Variants in FAM50B observed in about 807,000 individuals in gnomAD.
FAM50B encodes protein FAM50B.
Under a neutral mutation model 25.4 loss-of-function variants are expected in FAM50B, and 9 were observed. The observed-to-expected ratio is 0.35, with a 90% CI of 0.21 to 0.62. The LOEUF (loss-of-function observed/expected upper bound fraction) is 0.62, where lower values mean the gene tolerates loss of function less well. Among genes scored for constraint, FAM50B ranks in the 20% least tolerant of loss-of-function variants. The pLI, the probability that FAM50B is intolerant of heterozygous loss-of-function variation, is 0.73. For synonymous variants in FAM50B, 212 were observed against 204.3 expected, an observed-to-expected ratio of 1.04 and a Z score of -0.32; for missense variants, 372 against 477.9, an observed-to-expected ratio of 0.78 and a Z score of 2.07.
At chr6:3,834,660 A>T in the FAM50B span, among the ~76,000 whole-genome samples, 2 of 152,178 alleles carry the variant, frequency 1.3e-5, no homozygotes, top group African/African-American at 4.8e-5. Context: ...TCTCACAGAG[A>T]TGCATATATA....
intron 1 of FAM50B, 48 bp downstream of exon 1, chr6:3,849,534 A>G (rs1021137801): frequency 2.4e-5 from 11 of 463,532 alleles, no homozygotes; most frequent in East Asian, 7.8e-5. Flanking sequence ...CAGCTCCCCA[A>G]ATTCAGCGCT....
At chr6:3,843,767 A>G in the FAM50B span, among the ~76,000 whole-genome samples, 24 of 152,352 alleles carry the variant, frequency 1.6e-4, no homozygotes, top group African/African-American at 5.1e-4. Context: ...GTGCAATAAT[A>G]TTATCTAGAT....
At chr6:3,843,505 C>T in the FAM50B span, among the ~76,000 whole-genome samples, 5 of 152,268 alleles carry the variant, frequency 3.3e-5, no homozygotes, top group South Asian at 4.2e-4. Flanking sequence ...TATGGTGCAG[C>T]ATTTATTTTG....
the FAM50B span, among the ~76,000 whole-genome samples, chr6:3,839,615 A>G: frequency 1.3e-5 from 2 of 152,206 alleles, no homozygotes; most frequent in Non-Finnish European, 2.9e-5. Context: ...TATACCAAAA[A>G]CATTGCTATT....
At chr6:3,848,250 A>C (rs1419841726), upstream of FAM50B, among the ~76,000 whole-genome samples, 1 of 152,248 alleles carries the variant, frequency 6.6e-6, no homozygotes, top group Non-Finnish European at 1.5e-5. Context: ...TCAATAAAAT[A>C]AGATATTCTT....
At chr6:3,838,320 A>C in the FAM50B span, among the ~76,000 whole-genome samples, 1 of 152,042 alleles carries the variant, frequency 6.6e-6, no homozygotes, top group East Asian at 1.9e-4. Flanking sequence ...TTTTTAAGAA[A>C]ACTAAAAAAA....
rs1464426985 is a variant in FAM50B at position 3,850,791 on chromosome 6, A to G, written c.*2A>G. 2 of 1,611,018 alleles carry G rather than the reference A, an allele frequency of 1.2e-6. No individual in the cohort carries two copies. Among genetic ancestry groups the G allele is most frequent in the East Asian group, 2.2e-5 (1 of 44,790 alleles). On this transcript the variant is annotated 3_prime_UTR_variant, in exon 2 of 2. Transcript: ENST00000648326. ...TGGGACAAGTACACCATCCGCTAAC[A>G]CCCGCCTGCCAGAGCGGAAACCGGG...
upstream of FAM50B, among the ~76,000 whole-genome samples, chr6:3,848,197 T>G (rs141930144): frequency 1.3e-5 from 2 of 152,360 alleles, no homozygotes; most frequent in African/African-American, 4.8e-5. Flanking sequence ...CCACAAATCT[T>G]CAATTTGTAA....
chr6:3,849,401 GC>G lies in FAM50B; in HGVS notation c.-106del, dbSNP rs1432111682. ...TCCTGTGTCCACGGCTGTCGCGAGA[GC>G]CCGGGGCGAGTGGGCCTCTGCTCGT... On this transcript the variant is annotated 5_prime_UTR_variant, in exon 1 of 2. Transcript: ENST00000648326. The G allele has an allele frequency of 5.8e-6, 1 of 170,984 alleles. No individual in the cohort carries two copies. The highest frequency in any genetic ancestry group is 1.2e-5 in the Non-Finnish European group (1 of 80,298). 10.6% of individuals were successfully genotyped at this position (170,984 alleles called of 1,614,324 possible). A position where few individuals can be genotyped will look rare whatever the true frequency, so the allele number is the denominator to read the frequency against.
the FAM50B span, among the ~76,000 whole-genome samples, chr6:3,841,509 C>A: frequency 3.3e-5 from 5 of 152,140 alleles, no homozygotes; most frequent in African/African-American, 1.2e-4. Context: ...TACATAGAGT[C>A]AAACAGCACA....
chr6:3,845,968 G>A (rs181825918), upstream of FAM50B, among the ~76,000 whole-genome samples: 47 of 152,116 alleles, frequency 3.1e-4, no homozygotes, highest in African/African-American at 1.1e-3. Flanking sequence ...TGATCCACCC[G>A]CCTCGGCCTC....
Position 3,850,731 on chromosome 6 carries a change from C to G in FAM50B, c.920C>G (p.Ala307Gly). The G allele has an allele frequency of 6.2e-7, 1 of 1,614,088 alleles. No individual in the cohort carries two copies. Among genetic ancestry groups the G allele is most frequent in the Non-Finnish European group, 8.5e-7 (1 of 1,180,038 alleles). The part of the protein sequence containing the change: ...WYEKNKHIFP[A>G]SRWEAYDPEK... ...GAGAAGAACAAGCACATCTTCCCCG[C>G]CAGCCGCTGGGAGGCCTATGACCCC... Residue 307 changes from alanine to glycine, a missense_variant, in exon 2 of 2, where the codon GCC (alanine) becomes GGC (glycine). This residue lies in a region of FAM50B where 57 missense variants were observed against 65.8 expected (regional missense o/e 0.87). Transcript: ENST00000648326.
chr6:3,847,773 C>A (rs1230726530), upstream of FAM50B, among the ~76,000 whole-genome samples: 1 of 152,230 alleles, frequency 6.6e-6, no homozygotes, highest in African/African-American at 2.4e-5. Context: ...TGAGCTGAAT[C>A]ATTTCTAGCC....
upstream of FAM50B, among the ~76,000 whole-genome samples, chr6:3,847,906 A>T (rs1762141089): frequency 6.6e-6 from 1 of 152,244 alleles, no homozygotes; most frequent in Admixed American, 6.5e-5. Flanking sequence ...AAGCCTAGGG[A>T]CAGGAAGAGA....
intron 1 of FAM50B, 48 bp from the exon 2 acceptor site, chr6:3,849,741 G>A (rs1372710847): frequency 1.3e-5 from 19 of 1,503,020 alleles, no homozygotes; most frequent in Admixed American, 2.1e-5. Flanking sequence ...ATTCCCCGCC[G>A]TTGCGTGGGC....
chr6:3,842,308 G>A, the FAM50B span, among the ~76,000 whole-genome samples: 2,129 of 152,298 alleles, frequency 0.014, 50 homozygotes, highest in African/African-American at 0.048. Context: ...AGCCACATCC[G>A]TAGCACTTTC....
At chr6:3,849,354 C>T (rs1762166419), upstream of FAM50B, 2 of 157,002 alleles carry the variant, frequency 1.3e-5, no homozygotes, top group Admixed American at 6.3e-5. Flanking sequence ...GCCTCCCCGC[C>T]AGGGGGCGCA....
At chr6:3,833,773 G>A in the FAM50B span, 1 of 152,164 alleles carries the variant, frequency 6.6e-6, no homozygotes, top group Non-Finnish European at 1.5e-5. Context: ...CCAGCCTAAC[G>A]ATGAAGCAGA....
chr6:3,839,204 G>A, the FAM50B span, among the ~76,000 whole-genome samples: 10 of 151,806 alleles, frequency 6.6e-5, no homozygotes, highest in African/African-American at 2.2e-4. Context: ...GCTGGTATGT[G>A]CAGAGGTCAC....
Sources: allele counts gnomAD v4.1 joint callset (sites outside exome capture counted in the v4.1 genomes callset), GRCh38; gene constraint gnomAD v4.1.1; regional missense constraint gnomAD v4.1.1; transcripts MANE v1.5; gene names NCBI Gene and HGNC (gene_info 2026-07-23, HGNC 2026-07-21).